The following RNF4 variants were observed in gnomAD, a reference collection of about 807,000 sequenced individuals.
RNF4 encodes ring finger protein 4.
Under a neutral mutation model 24.3 loss-of-function variants are expected in RNF4, and 7 were observed. The ratio of observed to expected loss-of-function variants is 0.29; its 90% CI spans 0.16 to 0.54. The LOEUF (loss-of-function observed/expected upper bound fraction) is 0.54, where lower values mean the gene tolerates loss of function less well. RNF4 is among the 20% of genes least tolerant of loss of function. The probability of loss-of-function intolerance (pLI) is 0.95; values close to 1 mark genes in which losing one functional copy is unlikely to be tolerated. For synonymous variants in RNF4, 83 were observed against 84.3 expected, an observed-to-expected ratio of 0.98 and a Z score of 0.09; for missense variants, 209 against 248.5, an observed-to-expected ratio of 0.84 and a Z score of 1.07.
rs1578529530 is a variant in RNF4, at chr4:2,513,581, C to T, written c.424-89C>T. ...CCCTTGCTTTCCTTTAATTAGTCAT[C>T]TTAGGCATAGGTGGGTGGGATTCTC... On this transcript the variant is annotated intron_variant, in intron 7 of 7. Coordinates refer to ENST00000314289, the MANE Select transcript of RNF4 (RefSeq NM_002938.5). 4 of 1,509,344 alleles carry T rather than the reference C, an allele frequency of 2.7e-6. No individual in the cohort carries two copies. The Admixed American group carries it at 5.6e-5, about 21-fold the overall frequency. The allele number at this position is 1,509,344 out of a possible 1,614,324, so 93.5% of individuals were successfully genotyped here. A position where few individuals can be genotyped will look rare whatever the true frequency, so the allele number is the denominator to read the frequency against.
intron 4 of RNF4, among the ~76,000 whole-genome samples, chr4:2,504,311 T>C (rs935572472): frequency 1.3e-5 from 2 of 152,188 alleles, no homozygotes; most frequent in Non-Finnish European, 2.9e-5. Flanking sequence ...TGCCAGACTT[T>C]TCTAAAGAGG....
intron 1 of RNF4, among the ~76,000 whole-genome samples, chr4:2,489,437 A>C (rs1735514376): frequency 6.6e-6 from 1 of 152,122 alleles, no homozygotes. Context: ...TTGCAACTCC[A>C]TCTCGTTATG....
Position 2,474,137 on chromosome 4 carries a change from A to C in RNF4, c.-158+4879A>C, listed in dbSNP as rs1734996283. On this transcript the variant is annotated intron_variant, in intron 1 of 7. Coordinates refer to ENST00000314289, the MANE Select transcript of RNF4 (RefSeq NM_002938.5). The stretch of plus-strand genomic sequence containing the variant: ...ACACCTGTAATCCCAGCACTTTGGG[A>C]GGCCAAGGCAGGCGGATCACGAGGT... Among the ~76,000 whole-genome samples the C allele has an allele frequency of 2.0e-5, 3 of 152,138 alleles. No individual in the cohort carries two copies. In the South Asian group the frequency reaches 6.2e-4, roughly 31 times the overall value.
chr4:2,513,968 T>C lies in RNF4; in HGVS notation c.*149T>C. 2.9e-6 allele frequency: 3 copies of C among 1,035,848 alleles called. No individual in the cohort carries two copies. Among genetic ancestry groups the C allele is most frequent in the Non-Finnish European group, 4.3e-6 (3 of 704,708 alleles). The allele number at this position is 1,035,848 out of a possible 1,614,324, so 64.2% of individuals were successfully genotyped here. On this transcript the variant is annotated 3_prime_UTR_variant, in exon 8 of 8. Transcript: ENST00000314289. ...TGCTCTTTTGTTTCCAACCCCTTCC[T>C]TTTGTTATCTCCAGTTTGATGCTAT...
At chr4:2,495,643 G>GGGT (rs1553878672) in intron 2 of RNF4, among the ~76,000 whole-genome samples, 1 of 145,382 alleles carries the variant, frequency 6.9e-6, no homozygotes, top group African/African-American at 2.5e-5. Context: ...TTTTTTTGGG[G>GGGT]GGGGGTGAGA....
chr4:2,515,602 CA>C lies in RNF4; in HGVS notation c.*1784del, dbSNP rs1262412543. 6.6e-6 allele frequency: 1 copy of C among 152,418 alleles called. No individual in the cohort carries two copies. Among genetic ancestry groups the C allele is most frequent in the Non-Finnish European group, 1.5e-5 (1 of 68,044 alleles). 9.4% of individuals were successfully genotyped at this position (152,418 alleles called of 1,614,324 possible). ...TAAGTTTTGTCCTTAAAGACAACTT[CA>C]GTGGTTAATTATAAAAGTTGTGTTA... On this transcript the variant is annotated 3_prime_UTR_variant, in exon 8 of 8. Transcript: ENST00000314289.
Position 2,497,028 on chromosome 4 carries a change from A to G in RNF4, c.31A>G (p.Ile11Val), listed in dbSNP as rs149162942. 1.2e-5 allele frequency: 20 copies of G among 1,604,512 alleles called. No homozygotes were observed. The highest frequency in any genetic ancestry group is 8.0e-5 in the African/African-American group (6 of 74,544). MSTRKRRGGA[I>V]NSRQAQKRTR... is the part of the protein sequence containing the mutation. ...TCAGAGAAAGCGTCGTGGTGGAGCA[A>G]TAAATTCTAGACAAGCTCAGAAGCG... Residue 11 changes from isoleucine to valine, a missense_variant, in exon 3 of 8, where the codon ATA becomes GTA. By Grantham distance (29) the Ile-to-Val change is conservative (BLOSUM62 3). Around this residue, in one of 3 missense-constraint regions of RNF4, gnomAD observed 182 missense variants for 197.2 expected, o/e 0.92. Coordinates refer to ENST00000314289, the MANE Select transcript of RNF4 (RefSeq NM_002938.5).
Position 2,509,503 on chromosome 4 carries a change from C to T in RNF4, c.205-2453C>T, listed in dbSNP as rs541209176. Among the ~76,000 whole-genome samples, 7 of 152,252 alleles carry T rather than the reference C, an allele frequency of 4.6e-5. No individual in the cohort carries two copies. The South Asian group carries it at 6.2e-4, about 14-fold the overall frequency. Reference sequence around the variant, plus strand: ...AAAGTGCTGAGATTCCAGGTGTGAGCCACCGCGCCCAGCCTGTGGTGTTGT... The same window carrying T: ...AAAGTGCTGAGATTCCAGGTGTGAGTCACCGCGCCCAGCCTGTGGTGTTGT... On this transcript the variant is annotated intron_variant, in intron 4 of 7. Transcript: ENST00000314289.
intron 1 of RNF4, among the ~76,000 whole-genome samples, chr4:2,474,968 G>A (rs1318869775): frequency 4.6e-5 from 7 of 152,052 alleles, no homozygotes; most frequent in East Asian, 1.9e-4. Flanking sequence ...CAGAGGTTGC[G>A]GTGAGCCAAG....
intron 1 of RNF4, among the ~76,000 whole-genome samples, chr4:2,481,906 C>A (rs1735256660): frequency 6.6e-6 from 1 of 152,110 alleles, no homozygotes; most frequent in African/African-American, 2.4e-5. Flanking sequence ...GACAGGATTT[C>A]CCCATGTTGC....
chr4:2,511,831 C>A, intron 4 of RNF4, 125 bp from the exon 5 acceptor site: 1 of 950,110 alleles, frequency 1.1e-6, no homozygotes, highest in Non-Finnish European at 1.6e-6. Context: ...AGGGTGGGGC[C>A]TCTGCTGCTC....
intron 4 of RNF4, among the ~76,000 whole-genome samples, chr4:2,508,002 C>T (rs1736151536): frequency 6.6e-6 from 1 of 152,106 alleles, no homozygotes; most frequent in African/African-American, 2.4e-5. Flanking sequence ...TACAGGTACA[C>T]ACTGCCATGC....
chr4:2,470,936 G>A (rs1363093052), intron 1 of RNF4: 1 of 146,884 alleles, frequency 6.8e-6, no homozygotes, highest in Middle Eastern at 3.2e-3. Context: ...CTTGTGTCAC[G>A]TTTGGGTAAT....
At chr4:2,485,329 C>T (rs745667600) in intron 1 of RNF4, among the ~76,000 whole-genome samples, 1 of 152,164 alleles carries the variant, frequency 6.6e-6, no homozygotes, top group East Asian at 1.9e-4. Flanking sequence ...AGTGACGGCT[C>T]CAGGTTCTCC....
At chr4:2,488,949 T>TA (rs1199378360) in intron 1 of RNF4, among the ~76,000 whole-genome samples, 1 of 152,154 alleles carries the variant, frequency 6.6e-6, no homozygotes, top group African/African-American at 2.4e-5. Flanking sequence ...TAGCTGGAAT[T>TA]ACAGGCATCC....
intron 1 of RNF4, among the ~76,000 whole-genome samples, chr4:2,477,129 C>T (rs145301910): frequency 6.6e-6 from 1 of 152,264 alleles, no homozygotes; most frequent in Admixed American, 6.5e-5. Flanking sequence ...CTCAGTGTCC[C>T]AAGTAAATGG....
chr4:2,483,966 A>G (rs150468885), intron 1 of RNF4, among the ~76,000 whole-genome samples: 117 of 147,450 alleles, frequency 7.9e-4, no homozygotes, highest in African/African-American at 2.8e-3. Context: ...AGCTGGGATT[A>G]CAGGCGCCCA....
rs34392249 is a variant in RNF4, at chr4:2,476,812, CT to C, written c.-158+7568del. Among the ~76,000 whole-genome samples the C allele has an allele frequency of 3.5e-3, 497 of 141,024 alleles. 1 individual carries two copies. The highest frequency in any genetic ancestry group is 6.1e-3 in the South Asian group (27 of 4,430). The allele number at this position is 141,024 out of a possible 152,430, so 92.5% of individuals were successfully genotyped here. A position where few individuals can be genotyped will look rare whatever the true frequency, so the allele number is the denominator to read the frequency against. On this transcript the variant is annotated intron_variant, in intron 1 of 7. Coordinates refer to ENST00000314289, the MANE Select transcript of RNF4 (RefSeq NM_002938.5). ...TTATATAGCACAGTACAGCCTAAAACTTTTTTTTTTTTTTAAAGACAGAATC... is the reference window on the plus strand; with the variant it reads ...TTATATAGCACAGTACAGCCTAAAACTTTTTTTTTTTTTAAAGACAGAATC...
intron 4 of RNF4, among the ~76,000 whole-genome samples, chr4:2,502,918 ACAC>A (rs1735959593): frequency 6.6e-6 from 1 of 151,070 alleles, no homozygotes; most frequent in Non-Finnish European, 1.5e-5. Flanking sequence ...TGGCATGATC[ACAC>A]CTTACTGCAG....
Sources: gnomAD v4.1 joint callset for allele counts (sites outside exome capture counted in the v4.1 genomes callset) on GRCh38, gnomAD v4.1.1 for gene constraint, gnomAD v4.1.1 regional missense constraint, MANE v1.5 for transcripts, NCBI Gene and HGNC (gene_info 2026-07-23, HGNC 2026-07-21) for gene names.